UXS1: variants seen among roughly 807,000 people sequenced by gnomAD.
UXS1 encodes UDP-glucuronic acid decarboxylase 1.
UXS1 carries 33 observed loss-of-function variants against 62.6 expected under a neutral mutation model. The observed-to-expected ratio is 0.53, with a 90% CI of 0.40 to 0.70. The LOEUF is 0.70. UXS1 is among the 30% of genes least tolerant of loss of function. The pLI, the probability that UXS1 is intolerant of heterozygous loss-of-function variation, is 0.00. For synonymous variants in UXS1, 213 were observed against 206.8 expected (o/e 1.03, Z -0.26); for missense variants, 434 against 556.3 (o/e 0.78, Z 2.21).
chr2:106,167,899 C>T (rs1683307328), intron 1 of UXS1, among the ~76,000 whole-genome samples: 1 of 152,144 alleles, frequency 6.6e-6, no homozygotes, highest in African/African-American at 2.4e-5. Context: ...CTGTGGCTCA[C>T]ACCTGTAATC....
chr2:106,107,645 G>A lies in UXS1; in HGVS notation c.880-2808C>T, dbSNP rs144895026. 4.6e-3 allele frequency among the ~76,000 whole-genome samples: 705 copies of A among 152,330 alleles called. 5 individuals carry two copies. Among genetic ancestry groups the A allele is most frequent in the African/African-American group, 0.016 (674 of 41,576 alleles). On this transcript the variant is annotated intron_variant, in intron 10 of 14. Transcript: ENST00000283148. ...GAATATCACTTAATCCCAAAGGGCT[G>A]CAGCCTGGGAAGTCCAAAAGGCTCC...
At chr2:106,103,272 A>G (rs1238251659) in intron 11 of UXS1, among the ~76,000 whole-genome samples, 1 of 152,212 alleles carries the variant, frequency 6.6e-6, no homozygotes, top group African/African-American at 2.4e-5. Context: ...AGATAATGAG[A>G]GCAGAAAGAA....
intron 11 of UXS1, among the ~76,000 whole-genome samples, chr2:106,104,587 C>T (rs1382823183): frequency 6.6e-6 from 1 of 152,154 alleles, no homozygotes; most frequent in Non-Finnish European, 1.5e-5. Context: ...ACATGAGTCA[C>T]GATAGTCATG....
At chr2:106,165,995 T>C in intron 2 of UXS1, 61 bp downstream of exon 2, 1 of 1,521,850 alleles carries the variant, frequency 6.6e-7, no homozygotes, top group South Asian at 1.2e-5. Context: ...GGTATATATG[T>C]ACCAACTGAA....
At chr2:106,139,534 G>A (rs1449901239) in intron 6 of UXS1, among the ~76,000 whole-genome samples, 1 of 152,020 alleles carries the variant, frequency 6.6e-6, no homozygotes, top group African/African-American at 2.4e-5. Context: ...ACATACATAG[G>A]GAAGAAAAAA....
intron 1 of UXS1, among the ~76,000 whole-genome samples, chr2:106,185,471 T>C (rs1039401786): frequency 6.6e-6 from 1 of 152,210 alleles, no homozygotes; most frequent in Admixed American, 6.5e-5. Flanking sequence ...CATTCAATTC[T>C]GGCTCCTTGG....
At chr2:106,186,448 A>ATT (rs201494240) in intron 1 of UXS1, among the ~76,000 whole-genome samples, 379 of 20,994 alleles carry the variant, frequency 0.018, 3 homozygotes, top group African/African-American at 0.036. Flanking sequence ...GCTTTTATAT[A>ATT]TATATATATA....
intron 5 of UXS1, among the ~76,000 whole-genome samples, chr2:106,150,557 C>T (rs533307375): frequency 3.3e-5 from 5 of 152,348 alleles, no homozygotes; most frequent in African/African-American, 1.2e-4. Flanking sequence ...CTCAAGCTAC[C>T]GCTCCGGAAG....
intron 14 of UXS1, among the ~76,000 whole-genome samples, chr2:106,095,912 C>T (rs1471403894): frequency 6.6e-6 from 1 of 152,224 alleles, no homozygotes; most frequent in Non-Finnish European, 1.5e-5. Flanking sequence ...AGAGCAGAAG[C>T]AGGCGGGGTT....
chr2:106,184,256 T>G (rs1363555705), intron 1 of UXS1, among the ~76,000 whole-genome samples: 1 of 152,218 alleles, frequency 6.6e-6, no homozygotes, highest in East Asian at 1.9e-4. Flanking sequence ...CTCCCCACAT[T>G]TACCCTTCAG....
chr2:106,194,246 G>C lies in UXS1; in HGVS notation c.-5C>G. On this transcript the variant is annotated 5_prime_UTR_variant, in exon 1 of 15. Transcript: ENST00000283148. ...CAGCAGCGCCTTGCTCACCATCCCC[G>C]GGAGCCGCGCGGGTCCAGGGCCCTA... The C allele has an allele frequency of 2.8e-6, 4 of 1,429,328 alleles. No individual in the cohort carries two copies. Among genetic ancestry groups the C allele is most frequent in the Non-Finnish European group, 3.7e-6 (4 of 1,084,562 alleles). 88.5% of individuals were successfully genotyped at this position (1,429,328 alleles called of 1,614,324 possible).
intron 9 of UXS1, among the ~76,000 whole-genome samples, chr2:106,119,808 C>T (rs531655046): frequency 6.6e-6 from 1 of 152,334 alleles, no homozygotes; most frequent in South Asian, 2.1e-4. Flanking sequence ...AAAGAATCAT[C>T]TCAACGTCTT....
chr2:106,187,608 T>C (rs958529687), intron 1 of UXS1, among the ~76,000 whole-genome samples: 3 of 152,228 alleles, frequency 2.0e-5, no homozygotes, highest in African/African-American at 7.2e-5. Context: ...TTTCAGGTTT[T>C]ATCTCTTTTC....
chr2:106,095,811 C>T (rs1046575400), intron 14 of UXS1, among the ~76,000 whole-genome samples: 1 of 152,228 alleles, frequency 6.6e-6, no homozygotes, highest in Non-Finnish European at 1.5e-5. Context: ...CACAGGTGGT[C>T]TCTGAAGGAC....
chr2:106,101,313 T>C, intron 11 of UXS1, 195 bp from the exon 12 acceptor site: 1 of 582,900 alleles, frequency 1.7e-6, no homozygotes, highest in South Asian at 2.4e-5. Context: ...ATGGATGAAA[T>C]GATATATTTG....
intron 14 of UXS1, among the ~76,000 whole-genome samples, chr2:106,094,517 C>T (rs529714764): frequency 1.3e-5 from 2 of 152,344 alleles, no homozygotes; most frequent in South Asian, 4.1e-4. Context: ...GCCCATGTGC[C>T]CCATTCTTTC....
Position 106,143,408 on chromosome 2 carries a change from C to CAAAAAAAAAAAAAAAAAAAAAAAAA in UXS1, c.472+1757_472+1781dup, listed in dbSNP as rs60493984. ...TGGGCAACAGAGAGAGACTCCGTCT[C>CAAAAAAAAAAAAAAAAAAAAAAAAA]AAAAAAAAAAAAAAAAAAAAAAAAA... On this transcript the variant is annotated intron_variant, in intron 6 of 14. Coordinates refer to ENST00000283148, the MANE Select transcript of UXS1 (RefSeq NM_001253875.2). Among the ~76,000 whole-genome samples, 5 of 38,654 alleles carry CAAAAAAAAAAAAAAAAAAAAAAAAA rather than the reference C, an allele frequency of 1.3e-4. 1 individual carries two copies. The highest frequency in any genetic ancestry group is 1.7e-4 in the Non-Finnish European group (4 of 22,888). 25.4% of individuals were successfully genotyped at this position (38,654 alleles called of 152,430 possible). A position where few individuals can be genotyped will look rare whatever the true frequency, so the allele number is the denominator to read the frequency against.
chr2:106,175,409 A>G (rs932120343), intron 1 of UXS1, among the ~76,000 whole-genome samples: 7 of 152,222 alleles, frequency 4.6e-5, no homozygotes, highest in South Asian at 2.1e-4. Context: ...CTTTATACCC[A>G]AAGGGATACT....
At chr2:106,181,440 G>A (rs758819296) in intron 1 of UXS1, among the ~76,000 whole-genome samples, 6 of 152,156 alleles carry the variant, frequency 3.9e-5, no homozygotes, top group African/African-American at 7.2e-5. Context: ...TGGGGCAAGC[G>A]GGGCGTGGTG....
Sources: allele counts gnomAD v4.1 joint callset (sites outside exome capture counted in the v4.1 genomes callset), GRCh38; gene constraint gnomAD v4.1.1; transcripts MANE v1.5; gene names NCBI Gene and HGNC (gene_info 2026-07-23, HGNC 2026-07-21).